The following WDR7 variants were observed in gnomAD, a reference collection of about 807,000 sequenced individuals.
WDR7 encodes the protein WD repeat-containing protein 7.
WDR7 carries 46 observed loss-of-function variants against 169.4 expected under a neutral mutation model. The ratio of observed to expected loss-of-function variants is 0.27; its 90% CI spans 0.21 to 0.35. WDR7 has a LOEUF of 0.35. Ranked by LOEUF, WDR7 falls within the 10% of genes least tolerant of loss-of-function variation. The probability of loss-of-function intolerance (pLI) is 1.00; values close to 1 mark genes in which losing one functional copy is unlikely to be tolerated. For synonymous variants in WDR7, 612 were observed against 666.8 expected (o/e 0.92, Z 1.27); for missense variants, 1,534 against 1,859.3 (o/e 0.83, Z 3.22).
Position 56,967,169 on chromosome 18 carries a change from G to GGGTGGAGT in WDR7, c.4164+4640_4164+4641insGGTGGAGT, listed in dbSNP as rs1221713931. On this transcript the variant is annotated intron_variant, in intron 26 of 27. Transcript: ENST00000254442. ...GGTGCTAAGGCCAGGAGTTCAGCCT[G>GGGTGGAGT]CTCAATAGGGAGCGCTTGGGTGGAA... 6.0e-4 allele frequency among the ~76,000 whole-genome samples: 91 copies of GGGTGGAGT among 151,844 alleles called. 1 individual carries two copies. Among genetic ancestry groups the GGGTGGAGT allele is most frequent in the African/African-American group, 2.1e-3 (85 of 41,152 alleles).
chr18:56,696,379 A>G lies in WDR7; in HGVS notation c.1495A>G (p.Ile499Val), dbSNP rs2025704374. 1.2e-6 allele frequency: 2 copies of G among 1,614,034 alleles called. No homozygotes were observed. Among genetic ancestry groups the G allele is most frequent in the African/African-American group, 2.7e-5 (2 of 74,932 alleles). ...GVDFSVIIWD[I>V]FSGEMKHIFC... ...GGATTTTTCAGTCATAATTTGGGAC[A>G]TATTTTCTGGAGAAATGAAACATAT... The change falls in exon 12 of 28, where the codon ATA becomes GTA. Residue 499 changes from isoleucine (I) to valine (V), a missense_variant. Ile to Val is a conservative substitution (Grantham distance 29). Coordinates refer to ENST00000254442, the MANE Select transcript of WDR7 (RefSeq NM_015285.3).
At chr18:56,697,017 C>T (rs1447698038) in intron 12 of WDR7, among the ~76,000 whole-genome samples, 1 of 152,036 alleles carries the variant, frequency 6.6e-6, no homozygotes, top group Admixed American at 6.6e-5. Context: ...GCTGTGATGT[C>T]TTATAAATAG....
At chr18:56,681,062 G>A (rs931557546) in intron 3 of WDR7, among the ~76,000 whole-genome samples, 2 of 152,054 alleles carry the variant, frequency 1.3e-5, no homozygotes, top group South Asian at 2.1e-4. Flanking sequence ...TAACCAAAAC[G>A]GAACCAGGAA....
intron 22 of WDR7, among the ~76,000 whole-genome samples, chr18:56,934,389 C>T (rs373424168): frequency 3.3e-5 from 5 of 151,970 alleles, no homozygotes; most frequent in Admixed American, 2.6e-4. Flanking sequence ...CCAAGAGCAT[C>T]GGGCTCTTCC....
intron 16 of WDR7, among the ~76,000 whole-genome samples, chr18:56,769,085 A>AT (rs946855330): frequency 5.3e-5 from 8 of 151,658 alleles, no homozygotes; most frequent in East Asian, 1.9e-4. Flanking sequence ...TATACAGTTT[A>AT]TTTTTTTTGA....
intron 22 of WDR7, among the ~76,000 whole-genome samples, chr18:56,926,431 C>G (rs1318305815): frequency 6.6e-6 from 1 of 152,166 alleles, no homozygotes; most frequent in African/African-American, 2.4e-5. Context: ...TAAATCTGAT[C>G]AAAACACAAT....
At chr18:56,903,515 G>T (rs1282167660) in intron 21 of WDR7, among the ~76,000 whole-genome samples, 1 of 152,104 alleles carries the variant, frequency 6.6e-6, no homozygotes, top group Non-Finnish European at 1.5e-5. Context: ...CGCCACCTGG[G>T]TTCAAGTGAT....
chr18:57,018,829 A>G (rs1159209218), intron 26 of WDR7, among the ~76,000 whole-genome samples: 1 of 152,238 alleles, frequency 6.6e-6, no homozygotes, highest in Non-Finnish European at 1.5e-5. Context: ...GTTAAAAAAC[A>G]GTTAAAAATG....
chr18:56,874,789 G>A (rs2046001094), intron 20 of WDR7, among the ~76,000 whole-genome samples: 1 of 152,044 alleles, frequency 6.6e-6, no homozygotes, highest in Non-Finnish European at 1.5e-5. Context: ...AAAGAATAAA[G>A]TGTGATGTGC....
intron 20 of WDR7, among the ~76,000 whole-genome samples, chr18:56,862,433 A>G (rs2045820299): frequency 6.6e-6 from 1 of 151,522 alleles, no homozygotes; most frequent in African/African-American, 2.4e-5. Flanking sequence ...CTTAAATTCA[A>G]CATAGCATAC....
At chr18:56,837,057 T>A (rs1013005597) in intron 20 of WDR7, among the ~76,000 whole-genome samples, 2 of 152,220 alleles carry the variant, frequency 1.3e-5, no homozygotes, top group African/African-American at 4.8e-5. Flanking sequence ...GAATGACAGA[T>A]GTCAGTGCAG....
At chr18:56,944,430 A>T (rs982420335) in intron 25 of WDR7, among the ~76,000 whole-genome samples, 1 of 152,182 alleles carries the variant, frequency 6.6e-6, no homozygotes, top group Non-Finnish European at 1.5e-5. Flanking sequence ...CCATTTTATT[A>T]AAGTCCCGTT....
intron 1 of WDR7, among the ~76,000 whole-genome samples, chr18:56,666,531 C>T (rs118159997): frequency 6.6e-6 from 1 of 152,224 alleles, no homozygotes; most frequent in East Asian, 1.9e-4. Flanking sequence ...CACCACTTAG[C>T]CCATATTCTC....
chr18:56,754,986 T>C (rs1028811719), intron 14 of WDR7, among the ~76,000 whole-genome samples: 2 of 152,218 alleles, frequency 1.3e-5, no homozygotes, highest in South Asian at 4.1e-4. Flanking sequence ...GATAAAACAC[T>C]TATCTTGTAG....
At chr18:56,673,949 G>GT (rs1004323734) in intron 2 of WDR7, among the ~76,000 whole-genome samples, 5 of 152,094 alleles carry the variant, frequency 3.3e-5, no homozygotes, top group African/African-American at 9.7e-5. Context: ...TATAATATGT[G>GT]TTTTTTTATG....
intron 21 of WDR7, among the ~76,000 whole-genome samples, chr18:56,902,243 A>G (rs1436342475): frequency 6.6e-6 from 1 of 152,194 alleles, no homozygotes; most frequent in African/African-American, 2.4e-5. Flanking sequence ...GTATAGCAAT[A>G]TTACATAGTT....
intron 25 of WDR7, among the ~76,000 whole-genome samples, chr18:56,939,880 A>G (rs915888482): frequency 6.6e-6 from 1 of 151,696 alleles, no homozygotes; most frequent in African/African-American, 2.4e-5. Context: ...AGAAAAGTTA[A>G]AACTTTCATA....
At chr18:56,798,059 T>G (rs1334149721) in intron 19 of WDR7, among the ~76,000 whole-genome samples, 1 of 152,232 alleles carries the variant, frequency 6.6e-6, no homozygotes, top group Admixed American at 6.5e-5. Flanking sequence ...TACATGATGA[T>G]TGGTGCTATA....
chr18:56,755,460 C>T (rs992888677), intron 14 of WDR7, among the ~76,000 whole-genome samples: 13 of 152,106 alleles, frequency 8.5e-5, no homozygotes, highest in Admixed American at 3.3e-4. Flanking sequence ...GACAGTGAAA[C>T]CTGTCTTGAG....
Sources: gnomAD v4.1 joint callset for allele counts (sites outside exome capture counted in the v4.1 genomes callset) on GRCh38, gnomAD v4.1.1 for gene constraint, MANE v1.5 for transcripts, NCBI Gene and HGNC (gene_info 2026-07-23, HGNC 2026-07-21) for gene names.